LMNTD1: variants seen among roughly 807,000 people sequenced by gnomAD.
LMNTD1 encodes the protein lamin tail domain containing 1.
LMNTD1 carries 35 observed loss-of-function variants against 50.9 expected under a neutral mutation model. That is an observed-to-expected ratio of 0.69 (90% CI 0.53 to 0.91). The LOEUF is 0.91. Among genes scored for constraint, LMNTD1 ranks in the 40% least tolerant of loss-of-function variants. The probability of loss-of-function intolerance (pLI) is 0.00; values close to 1 mark genes in which losing one functional copy is unlikely to be tolerated. For synonymous variants in LMNTD1, 153 were observed against 161.9 expected (o/e 0.94, Z 0.42); for missense variants, 470 against 475.5 (o/e 0.99, Z 0.11).
At chr12:25,531,026 G>A (rs1462555518) in intron 4 of LMNTD1, among the ~76,000 whole-genome samples, 1 of 152,204 alleles carries the variant, frequency 6.6e-6, no homozygotes, top group Non-Finnish European at 1.5e-5. Context: ...CTGAGATGTA[G>A]CGGCCCATCT....
At chr12:25,647,954 A>C (rs932329818) in intron 1 of LMNTD1, among the ~76,000 whole-genome samples, 2 of 151,910 alleles carry the variant, frequency 1.3e-5, no homozygotes, top group African/African-American at 4.8e-5. Context: ...TCCTTCCTTC[A>C]TTCCTTCCTT....
chr12:25,584,934 T>G (rs1945455937), intron 1 of LMNTD1, among the ~76,000 whole-genome samples: 1 of 152,246 alleles, frequency 6.6e-6, no homozygotes. Context: ...TTTCAAACTT[T>G]CTTTGCATCA....
At chr12:25,633,032 GAA>G (rs144752389) in intron 1 of LMNTD1, among the ~76,000 whole-genome samples, 15,442 of 103,676 alleles carry the variant, frequency 0.15, 1,137 homozygotes, top group African/African-American at 0.21. Flanking sequence ...TCTTATATCA[GAA>G]AAAAAAAAAC....
chr12:25,502,081 G>T (rs1303611592), intron 9 of LMNTD1, among the ~76,000 whole-genome samples: 1 of 152,144 alleles, frequency 6.6e-6, no homozygotes, highest in East Asian at 1.9e-4. Context: ...CCACAGAGAG[G>T]ATCAATGAAC....
chr12:25,597,880 C>A (rs1276728091), intron 1 of LMNTD1, among the ~76,000 whole-genome samples: 1 of 152,078 alleles, frequency 6.6e-6, no homozygotes, highest in Non-Finnish European at 1.5e-5. Context: ...TATGGTTTGG[C>A]TGTGTGTCCC....
intron 1 of LMNTD1, among the ~76,000 whole-genome samples, chr12:25,570,065 T>C (rs775107586): frequency 6.6e-6 from 1 of 152,126 alleles, no homozygotes; most frequent in Non-Finnish European, 1.5e-5. Context: ...AGAGTTCAGT[T>C]TTGTCTGACT....
intron 1 of LMNTD1, among the ~76,000 whole-genome samples, chr12:25,576,125 A>G (rs901827934): frequency 2.6e-5 from 4 of 152,124 alleles, no homozygotes; most frequent in Admixed American, 6.5e-5. Context: ...AGTCTTTGCT[A>G]TTGTGAATAG....
intron 4 of LMNTD1, among the ~76,000 whole-genome samples, chr12:25,541,869 T>G (rs1943102544): frequency 1.4e-5 from 2 of 145,656 alleles, no homozygotes; most frequent in Admixed American, 6.9e-5. Context: ...TCAAACAAAT[T>G]TACAAGAAAA....
chr12:25,490,560 A>G (rs1237900696), intron 9 of LMNTD1, among the ~76,000 whole-genome samples: 1 of 152,200 alleles, frequency 6.6e-6, no homozygotes, highest in Non-Finnish European at 1.5e-5. Flanking sequence ...TGCGGAAGGG[A>G]ACTATAAACA....
intron 1 of LMNTD1, among the ~76,000 whole-genome samples, chr12:25,602,328 C>T (rs530324142): frequency 6.6e-6 from 1 of 151,864 alleles, no homozygotes; most frequent in African/African-American, 2.4e-5. Flanking sequence ...GAAAAAAAAC[C>T]TCAACCTTCC....
chr12:25,551,748 A>C (rs1943757686), intron 2 of LMNTD1, among the ~76,000 whole-genome samples: 1 of 152,164 alleles, frequency 6.6e-6, no homozygotes, highest in South Asian at 2.1e-4. Context: ...ACATTTCAGG[A>C]ACAAACTCGT....
intron 1 of LMNTD1, among the ~76,000 whole-genome samples, chr12:25,568,725 A>G (rs1944661813): frequency 6.6e-6 from 1 of 152,200 alleles, no homozygotes; most frequent in African/African-American, 2.4e-5. Context: ...CCCCAGATAC[A>G]GCTTAGGCCA....
chr12:25,573,344 A>G (rs1944873113), intron 1 of LMNTD1, among the ~76,000 whole-genome samples: 1 of 152,066 alleles, frequency 6.6e-6, no homozygotes, highest in African/African-American at 2.4e-5. Flanking sequence ...ATTATTAGGT[A>G]CCTCACTAGA....
intron 9 of LMNTD1, among the ~76,000 whole-genome samples, chr12:25,478,278 A>G (rs1938336605): frequency 6.6e-6 from 1 of 152,168 alleles, no homozygotes; most frequent in African/African-American, 2.4e-5. Context: ...CTTCAAATAA[A>G]GACAATAATA....
intron 1 of LMNTD1, among the ~76,000 whole-genome samples, chr12:25,631,380 C>T (rs1376218334): frequency 6.6e-6 from 1 of 152,194 alleles, no homozygotes; most frequent in Non-Finnish European, 1.5e-5. Context: ...TAAGAACCCT[C>T]ACGGAGTCCA....
At chr12:25,612,301 C>T (rs1015627018) in intron 1 of LMNTD1, among the ~76,000 whole-genome samples, 14 of 80,560 alleles carry the variant, frequency 1.7e-4, no homozygotes, top group African/African-American at 4.1e-4. Flanking sequence ...CACACACACA[C>T]ACACACACAC....
intron 4 of LMNTD1, among the ~76,000 whole-genome samples, chr12:25,544,691 C>T (rs1183935206): frequency 6.6e-6 from 1 of 151,470 alleles, no homozygotes; most frequent in African/African-American, 2.4e-5. Flanking sequence ...TAATTCATTG[C>T]TTTTTATTTT....
At chr12:25,631,133 C>T (rs1946709869) in intron 1 of LMNTD1, among the ~76,000 whole-genome samples, 1 of 152,146 alleles carries the variant, frequency 6.6e-6, no homozygotes, top group Non-Finnish European at 1.5e-5. Context: ...CCATCCCCCA[C>T]AGCAAGACCC....
At chr12:25,480,997 G>A (rs1007345186) in intron 9 of LMNTD1, among the ~76,000 whole-genome samples, 1 of 152,130 alleles carries the variant, frequency 6.6e-6, no homozygotes, top group Non-Finnish European at 1.5e-5. Flanking sequence ...TCTACTGGTT[G>A]CCTCTCTGAT....
Sources: allele counts gnomAD v4.1 joint callset (sites outside exome capture counted in the v4.1 genomes callset), GRCh38; gene constraint gnomAD v4.1.1; transcripts MANE v1.5; gene names NCBI Gene and HGNC (gene_info 2026-07-23, HGNC 2026-07-21).